DNAH10: variants seen among roughly 807,000 people sequenced by gnomAD.
The protein encoded by DNAH10 is dynein axonemal heavy chain 10, also known as axonemal beta dynein heavy chain 10.
In DNAH10, 348 loss-of-function variants were observed where a neutral mutation model predicts 506.6. The ratio of observed to expected loss-of-function variants is 0.69; its 90% confidence interval spans 0.63 to 0.75. The LOEUF (loss-of-function observed/expected upper bound fraction) is 0.75. DNAH10 is among the 30% of genes least tolerant of loss of function. The probability of loss-of-function intolerance (pLI) is 0.00; values close to 1 mark genes in which losing one functional copy is unlikely to be tolerated. For missense variants in DNAH10, 5,179 were observed against 5,787.1 expected, an observed-to-expected ratio of 0.89 and a Z score of 3.41; for synonymous variants, 2,059 against 2,198.6, an observed-to-expected ratio of 0.94 and a Z score of 1.78.
Position 123,877,831 on chromosome 12 carries a change from G to A in DNAH10, c.8295G>A (p.Pro2765=), listed in dbSNP as rs760042208. The change falls in exon 48 of 79, where the codon CCG becomes CCA. Residue 2765 remains proline (P), a synonymous_variant. Transcript: ENST00000673944. ...TTGTGCAAGACCTACCTCCCACTCC[G>A]TCAAAGTTCCATTACATCTTCAACC... ...KNIVQDLPPT[P]SKFHYIFNLR... is the part of the protein sequence containing the mutation. 1.1e-5 allele frequency: 17 copies of A among 1,613,854 alleles called. No homozygotes were observed. Among genetic ancestry groups the A allele is most frequent in the Admixed American group, 5.0e-5 (3 of 59,994 alleles).
chr12:123,788,110 C>A (rs1957934947), intron 10 of DNAH10, 108 bp downstream of exon 10: 1 of 1,250,602 alleles, frequency 8.0e-7, no homozygotes, highest in Non-Finnish European at 1.1e-6. Context: ...AAGGGCCTGG[C>A]AGGGAGAAGC....
intron 10 of DNAH10, among the ~76,000 whole-genome samples, chr12:123,789,332 A>C (rs1487668668): frequency 1.3e-5 from 2 of 152,022 alleles, no homozygotes; most frequent in African/African-American, 4.8e-5. Context: ...AGAACAGTGG[A>C]AACGCTGCAT....
intron 24 of DNAH10, among the ~76,000 whole-genome samples, chr12:123,826,157 C>A (rs967629794): frequency 6.6e-6 from 1 of 152,082 alleles, no homozygotes; most frequent in Admixed American, 6.6e-5. Context: ...TACATTAAAT[C>A]TCAGGAAAAT....
At chr12:123,899,768 C>G (rs1187064930) in intron 56 of DNAH10, among the ~76,000 whole-genome samples, 2 of 152,214 alleles carry the variant, frequency 1.3e-5, no homozygotes, top group Non-Finnish European at 2.9e-5. Context: ...GAGCCCAGAT[C>G]CCTGAGGCGC....
chr12:123,780,109 T>C (rs1398645608), intron 5 of DNAH10, among the ~76,000 whole-genome samples: 2 of 152,044 alleles, frequency 1.3e-5, no homozygotes, highest in African/African-American at 2.4e-5. Context: ...ACACAGTTTC[T>C]TACCTCCCTG....
rs186119636 is a variant in DNAH10, at chr12:123,908,500, G to A, written c.9816-761G>A. 1.2e-3 allele frequency: 541 copies of A among 456,088 alleles called. 5 individuals carry two copies. The highest frequency in any genetic ancestry group is 8.1e-3 in the East Asian group (117 of 14,392). The allele number at this position is 456,088 out of a possible 1,614,324, so 28.3% of individuals were successfully genotyped here. On this transcript the variant is annotated intron_variant, in intron 57 of 78. Coordinates refer to ENST00000673944, the MANE Select transcript of DNAH10 (RefSeq NM_001372106.1). ...TCTTCCACTTCTGTCTTTCCATGGC[G>A]TGGTCTGGGAGACTCCTGTGGCTTT... is the stretch of plus-strand genomic sequence containing the variant.
In DNAH10 at chr12:123,928,394, T is replaced by A; in HGVS notation, c.12113T>A (p.Leu4038Gln). 6.3e-7 allele frequency: 1 copy of A among 1,598,152 alleles called. No individual in the cohort carries two copies. Among genetic ancestry groups the A allele is most frequent in the Non-Finnish European group, 8.5e-7 (1 of 1,172,908 alleles). Residue 4038 changes from leucine (L) to glutamine (Q), a missense_variant, in exon 70 of 79, where the codon CTG (leucine) becomes CAG (glutamine). Physicochemically the swap from Leu to Gln is moderately radical, Grantham distance 113. This residue lies in a region of DNAH10 where 4,844 missense variants were observed against 5,430.5 expected (regional missense o/e 0.89). Transcript: ENST00000673944. This position sits in a 1 kb window ranked among gnomAD's most constrained non-coding sequence, Gnocchi z 4.9. ...AMGQGQEKVA[L>Q]QLLETAVARG... ...CCCTCTCCCCCGGCGCAGGTGGCCC[T>A]GCAGCTGCTGGAGACGGCGGTGGCT... is the stretch of plus-strand genomic sequence containing the variant.
At chr12:123,822,147 C>T (rs757265925) in intron 24 of DNAH10, among the ~76,000 whole-genome samples, 3 of 152,142 alleles carry the variant, frequency 2.0e-5, no homozygotes, top group African/African-American at 7.2e-5. Flanking sequence ...GTGGAGGTTG[C>T]GGTGAGCTGA....
chr12:123,898,928 G>A (rs564363244), intron 56 of DNAH10, 114 bp downstream of exon 56: 373 of 1,409,916 alleles, frequency 2.6e-4, no homozygotes, highest in Non-Finnish European at 3.2e-4. Flanking sequence ...CTGCCAGGCC[G>A]TCCCTGTGAA....
rs796121749 is a variant in DNAH10, at chr12:123,917,865, G to A, written c.11232+52G>A. On this transcript the variant is annotated intron_variant, in intron 64 of 78. Coordinates refer to ENST00000673944, the MANE Select transcript of DNAH10 (RefSeq NM_001372106.1). The surrounding 1 kb of genome is among the most constrained non-coding windows in gnomAD (Gnocchi z 5.6). Reference sequence around the variant, plus strand: ...GAGTCAGGCGGGGCCTGCATGCGCCGTTGGAGCGTCCATTTCTCTGTCTGC... The same window carrying A: ...GAGTCAGGCGGGGCCTGCATGCGCCATTGGAGCGTCCATTTCTCTGTCTGC... 93 of 1,522,848 alleles carry A rather than the reference G, an allele frequency of 6.1e-5. No homozygotes were observed. Among genetic ancestry groups the A allele is most frequent in the Admixed American group, 1.6e-4 (8 of 49,958 alleles). The allele number at this position is 1,522,848 out of a possible 1,614,324, so 94.3% of individuals were successfully genotyped here. A position where few individuals can be genotyped will look rare whatever the true frequency, so the allele number is the denominator to read the frequency against.
chr12:123,785,659 G>T lies in DNAH10; in HGVS notation c.1231-87G>T. On this transcript the variant is annotated intron_variant, in intron 8 of 78. Transcript: ENST00000673944. This position sits in a 1 kb window ranked among gnomAD's most constrained non-coding sequence, Gnocchi z 4.1. ...AGGAAAAAAAAAAAAAAAAAAGAGTGAAACTTCTTGCATGCTTACTGTTTT... is the reference window on the plus strand; with the variant it reads ...AGGAAAAAAAAAAAAAAAAAAGAGTTAAACTTCTTGCATGCTTACTGTTTT... 1.4e-4 allele frequency: 125 copies of T among 924,738 alleles called. No homozygotes were observed. Among genetic ancestry groups the T allele is most frequent in the Non-Finnish European group, 1.8e-4 (118 of 663,492 alleles). 57.3% of individuals were successfully genotyped at this position (924,738 alleles called of 1,614,324 possible). A position where few individuals can be genotyped will look rare whatever the true frequency, so the allele number is the denominator to read the frequency against.
chr12:123,866,624 A>G (rs1015501789), intron 41 of DNAH10, among the ~76,000 whole-genome samples: 2 of 152,172 alleles, frequency 1.3e-5, no homozygotes, highest in African/African-American at 4.8e-5. Context: ...GAGGTTGACA[A>G]ACTTTTTCTG....
chr12:123,811,805 A>T (rs1452714866), intron 19 of DNAH10, among the ~76,000 whole-genome samples: 2 of 148,044 alleles, frequency 1.4e-5, no homozygotes, highest in African/African-American at 5.0e-5. Flanking sequence ...GCCTGGCCTA[A>T]TTTTTGTATT....
chr12:123,843,764 G>C (rs1399860077), intron 30 of DNAH10, among the ~76,000 whole-genome samples: 1 of 152,166 alleles, frequency 6.6e-6, no homozygotes, highest in African/African-American at 2.4e-5. Context: ...TTTTAGTAGA[G>C]ACAGGGTTTC....
In DNAH10 at chr12:123,867,545, G is replaced by T; in HGVS notation, c.7246G>T (p.Asp2416Tyr). 6.2e-7 allele frequency: 1 copy of T among 1,613,994 alleles called. No homozygotes were observed. The highest frequency in any genetic ancestry group is 8.5e-7 in the Non-Finnish European group (1 of 1,179,896). ...LMDVIVEGIV[D>Y]GRQAEKLKTI... is the part of the protein sequence containing the mutation. The stretch of plus-strand genomic sequence containing the variant: ...GGATGTGATAGTGGAAGGAATTGTG[G>T]ATGGAAGACAAGCAGAAAAGCTGAA... The change falls in exon 42 of 79, where the codon GAT becomes TAT. Residue 2416 changes from aspartate to tyrosine, a missense_variant. By Grantham distance (160) the Asp-to-Tyr change is radical. Coordinates refer to ENST00000673944, the MANE Select transcript of DNAH10 (RefSeq NM_001372106.1).
Position 123,779,604 on chromosome 12 carries a change from G to GGA in DNAH10, c.622-1459_622-1458dup, listed in dbSNP as rs33916907. Among the ~76,000 whole-genome samples the GGA allele has an allele frequency of 1.1e-3, 170 of 149,272 alleles. 2 individuals are homozygous for GGA. The highest frequency in any genetic ancestry group is 3.6e-3 in the African/African-American group (147 of 40,634). ...CTTGATTAATGGACCTGGGGGTGGG[G>GGA]GAGAGAGAGAGAGAGAGAAACAAAA... is the stretch of plus-strand genomic sequence containing the variant. On this transcript the variant is annotated intron_variant, in intron 5 of 78. Coordinates refer to ENST00000673944, the MANE Select transcript of DNAH10 (RefSeq NM_001372106.1).
chr12:123,787,746 T>A lies in DNAH10; in HGVS notation c.1422-58T>A. The stretch of plus-strand genomic sequence containing the variant: ...GGACACTGGCTCCCCAGCCGGGGAG[T>A]GCGGCTCGGACCCGGAGCTCCGCCC... On this transcript the variant is annotated intron_variant, in intron 9 of 78. Transcript: ENST00000673944. The surrounding 1 kb of genome is among the most constrained non-coding windows in gnomAD (Gnocchi z 4.6). 6.4e-7 allele frequency: 1 copy of A among 1,564,958 alleles called. No individual in the cohort carries two copies. Among genetic ancestry groups the A allele is most frequent in the Non-Finnish European group, 8.7e-7 (1 of 1,152,436 alleles).
intron 11 of DNAH10, among the ~76,000 whole-genome samples, chr12:123,793,478 A>T (rs958958563): frequency 6.6e-6 from 1 of 151,812 alleles, no homozygotes; most frequent in African/African-American, 2.4e-5. Flanking sequence ...ACCTGGGACT[A>T]CAGGCGCCCA....
intron 21 of DNAH10, among the ~76,000 whole-genome samples, chr12:123,818,740 C>G (rs374057319): frequency 1.3e-4 from 20 of 152,182 alleles, no homozygotes; most frequent in African/African-American, 3.6e-4. Context: ...CCTCAGCCCC[C>G]CAAAGTACTG....
Sources: gnomAD v4.1 joint callset for allele counts (sites outside exome capture counted in the v4.1 genomes callset) on GRCh38, gnomAD v4.1.1 for gene constraint, gnomAD v4.1.1 regional missense constraint, Gnocchi (gnomAD v3.1) non-coding constraint, MANE v1.5 for transcripts, NCBI Gene and HGNC (gene_info 2026-07-23, HGNC 2026-07-21) for gene names.